The following WWTR1 variants were observed in gnomAD, a reference collection of about 807,000 sequenced individuals.
WWTR1 encodes WW domain containing transcription regulator 1.
Under a neutral mutation model 40.1 loss-of-function variants are expected in WWTR1, and 13 were observed. That is an observed-to-expected ratio of 0.32 (90% CI 0.21 to 0.52). WWTR1 has a LOEUF of 0.52. WWTR1 is among the 20% of genes least tolerant of loss of function. WWTR1 has a pLI of 0.97. For missense variants in WWTR1, 436 were observed against 523.1 expected, an observed-to-expected ratio of 0.83 and a Z score of 1.63; for synonymous variants, 230 against 210.1, an observed-to-expected ratio of 1.09 and a Z score of -0.82.
intron 3 of WWTR1, among the ~76,000 whole-genome samples, chr3:149,572,169 G>A (rs930141277): frequency 1.3e-5 from 2 of 152,140 alleles, no homozygotes; most frequent in African/African-American, 4.8e-5. Context: ...AAGACTTTCG[G>A]AAAGTTTCTT....
intron 1 of WWTR1, chr3:149,670,660 A>AAAAAAAAAAAG (rs1396163127): frequency 2.0e-5 from 3 of 148,166 alleles, no homozygotes; most frequent in Non-Finnish European, 4.4e-5. Context: ...AAAAAAAAAG[A>AAAAAAAAAAAG]AAAGAAAAGA....
At chr3:149,700,356 G>A (rs1715131345) in intron 1 of WWTR1, among the ~76,000 whole-genome samples, 1 of 152,052 alleles carries the variant, frequency 6.6e-6, no homozygotes, top group South Asian at 2.1e-4. Flanking sequence ...TAGACTGACA[G>A]GAAGGATCTA....
At chr3:149,720,456 C>T (rs186907361) in intron 4 of WWTR1, among the ~76,000 whole-genome samples, 1 of 152,206 alleles carries the variant, frequency 6.6e-6, no homozygotes, top group East Asian at 1.9e-4. Flanking sequence ...TCTGGATTCT[C>T]TATTGTATTC....
At chr3:149,650,790 G>A (rs1459200645) in intron 2 of WWTR1, among the ~76,000 whole-genome samples, 1 of 152,196 alleles carries the variant, frequency 6.6e-6, no homozygotes, top group East Asian at 1.9e-4. Flanking sequence ...CACTTACAGT[G>A]AGCATTCCTA....
At chr3:149,639,993 CAAAAAA>C (rs1215330406) in intron 2 of WWTR1, among the ~76,000 whole-genome samples, 1 of 76,312 alleles carries the variant, frequency 1.3e-5, no homozygotes, top group African/African-American at 4.6e-5. Flanking sequence ...GACTCCGTCT[CAAAAAA>C]AAAAAAAAAA....
chr3:149,608,576 TG>T (rs1447203286), intron 2 of WWTR1, among the ~76,000 whole-genome samples: 4 of 151,956 alleles, frequency 2.6e-5, no homozygotes, highest in Non-Finnish European at 2.9e-5. Flanking sequence ...TTAGTAGAGA[TG>T]GGGGTTTCAC....
chr3:149,605,187 T>G (rs1739428840), intron 2 of WWTR1, among the ~76,000 whole-genome samples: 1 of 152,212 alleles, frequency 6.6e-6, no homozygotes, highest in African/African-American at 2.4e-5. Flanking sequence ...AACTTTATCC[T>G]AAATGCCAAA....
chr3:149,652,572 A>G (rs1712943323), intron 2 of WWTR1, among the ~76,000 whole-genome samples: 1 of 127,854 alleles, frequency 7.8e-6, no homozygotes, highest in African/African-American at 2.9e-5. Context: ...TCAGTGAGCT[A>G]TGATTCCCAC....
upstream of WWTR1, among the ~76,000 whole-genome samples, chr3:149,706,972 C>A (rs964058003): frequency 2.6e-5 from 4 of 152,168 alleles, no homozygotes; most frequent in Non-Finnish European, 1.5e-5. Context: ...TTTATTTACA[C>A]AAGCCACCCC....
intron 4 of WWTR1, among the ~76,000 whole-genome samples, chr3:149,530,326 C>T (rs562883928): frequency 2.0e-5 from 3 of 148,022 alleles, no homozygotes; most frequent in South Asian, 2.2e-4. Context: ...CCAGCCTGGG[C>T]GACAAAGCGA....
chr3:149,719,217 G>T (rs1715688588), intron 4 of WWTR1, among the ~76,000 whole-genome samples: 1 of 150,062 alleles, frequency 6.7e-6, no homozygotes, highest in African/African-American at 2.5e-5. Context: ...TGCCCAGGCT[G>T]GGGTGCAGTG....
intron 3 of WWTR1, among the ~76,000 whole-genome samples, chr3:149,560,876 GAGTT>G (rs1264357812): frequency 1.3e-5 from 2 of 152,076 alleles, no homozygotes; most frequent in African/African-American, 4.8e-5. Context: ...CTGAAAAACA[GAGTT>G]AGTGGGAAAG....
intron 1 of WWTR1, among the ~76,000 whole-genome samples, chr3:149,683,172 C>G (rs907756797): frequency 6.6e-6 from 1 of 152,152 alleles, no homozygotes; most frequent in African/African-American, 2.4e-5. Context: ...CACAACCACC[C>G]TATGAAAGGG....
At chr3:149,696,122 A>AT in intron 1 of WWTR1, among the ~76,000 whole-genome samples, 1 of 151,076 alleles carries the variant, frequency 6.6e-6, no homozygotes, top group Non-Finnish European at 1.5e-5. Context: ...CAAAAAAAAA[A>AT]AAAAAAAAAA....
chr3:149,656,239 T>G (rs941928511), intron 2 of WWTR1, among the ~76,000 whole-genome samples: 2 of 152,226 alleles, frequency 1.3e-5, no homozygotes, highest in Non-Finnish European at 2.9e-5. Flanking sequence ...TATTTTAGGT[T>G]AACAAGTTTA....
intron 3 of WWTR1, among the ~76,000 whole-genome samples, chr3:149,543,432 A>G (rs1214121652): frequency 6.6e-6 from 1 of 151,838 alleles, no homozygotes; most frequent in Non-Finnish European, 1.5e-5. Context: ...ATACAAAATA[A>G]TTAGCCGGGC....
chr3:149,635,772 G>C (rs1177945297), intron 2 of WWTR1, among the ~76,000 whole-genome samples: 1 of 152,194 alleles, frequency 6.6e-6, no homozygotes, highest in Non-Finnish European at 1.5e-5. Context: ...GGTCAAGAAA[G>C]TCTATTGCTT....
intron 3 of WWTR1, among the ~76,000 whole-genome samples, chr3:149,555,999 A>G (rs1736809881): frequency 6.6e-6 from 1 of 152,212 alleles, no homozygotes; most frequent in Non-Finnish European, 1.5e-5. Context: ...GTGGGGGACA[A>G]GTACAAAGAT....
At chr3:149,673,439 A>G (rs1714159906) in intron 1 of WWTR1, among the ~76,000 whole-genome samples, 1 of 152,192 alleles carries the variant, frequency 6.6e-6, no homozygotes. Flanking sequence ...ATTTAAATTT[A>G]AAACTATTTT....
Sources: allele counts gnomAD v4.1 joint callset (sites outside exome capture counted in the v4.1 genomes callset), GRCh38; gene constraint gnomAD v4.1.1; transcripts MANE v1.5; gene names NCBI Gene and HGNC (gene_info 2026-07-23, HGNC 2026-07-21).